NEGR1: variants seen among roughly 807,000 people sequenced by gnomAD.
The protein encoded by NEGR1 is neuronal growth regulator 1.
In NEGR1, 10 loss-of-function variants were observed where a neutral mutation model predicts 40.9. The observed-to-expected ratio is 0.24, with a 90% CI of 0.15 to 0.42. The LOEUF (loss-of-function observed/expected upper bound fraction) is 0.42, where lower values mean the gene tolerates loss of function less well. Among genes scored for constraint, NEGR1 ranks in the 10% least tolerant of loss-of-function variants. The probability of loss-of-function intolerance (pLI) is 1.00; values close to 1 mark genes in which losing one functional copy is unlikely to be tolerated. For missense variants in NEGR1, 352 were observed against 438.9 expected (o/e 0.80, Z 1.77); for synonymous variants, 185 against 166.8 (o/e 1.11, Z -0.84).
chr1:71,596,324 T>C (rs920676309), intron 5 of NEGR1, among the ~76,000 whole-genome samples: 5 of 152,238 alleles, frequency 3.3e-5, no homozygotes, highest in Non-Finnish European at 5.9e-5. Flanking sequence ...CAATGCCTCA[T>C]AAATCTGTGA....
chr1:71,673,495 G>A (rs995216716), intron 4 of NEGR1, among the ~76,000 whole-genome samples: 3 of 151,822 alleles, frequency 2.0e-5, no homozygotes, highest in Non-Finnish European at 2.9e-5. Flanking sequence ...ATAAGAGACA[G>A]CTAGGAAAAC....
intron 1 of NEGR1, among the ~76,000 whole-genome samples, chr1:71,946,225 T>C (rs1646017340): frequency 6.6e-6 from 1 of 152,138 alleles, no homozygotes; most frequent in Non-Finnish European, 1.5e-5. Flanking sequence ...CATGCCACCA[T>C]GCCTGGCTAA....
chr1:71,579,071 C>T (rs1255830550), intron 6 of NEGR1, among the ~76,000 whole-genome samples: 1 of 152,148 alleles, frequency 6.6e-6, no homozygotes, highest in African/African-American at 2.4e-5. Context: ...TTGTCACTCA[C>T]ATTTTAAAAG....
intron 2 of NEGR1, among the ~76,000 whole-genome samples, chr1:71,901,033 C>G (rs1351385092): frequency 1.3e-5 from 2 of 152,178 alleles, no homozygotes; most frequent in African/African-American, 4.8e-5. Flanking sequence ...GAACACAGAT[C>G]CATCTAACCT....
intron 1 of NEGR1, among the ~76,000 whole-genome samples, chr1:72,107,083 G>A (rs2100258895): frequency 6.6e-6 from 1 of 151,706 alleles, no homozygotes; most frequent in Admixed American, 6.6e-5. Context: ...AATATCTTTA[G>A]GGTGAGAAAT....
intron 4 of NEGR1, among the ~76,000 whole-genome samples, chr1:71,628,588 C>T (rs916234496): frequency 3.3e-5 from 5 of 151,958 alleles, no homozygotes; most frequent in Non-Finnish European, 7.4e-5. Flanking sequence ...TGACAGGCCC[C>T]GTCGTGTGAT....
rs140537783 is a variant in NEGR1, at chr1:71,415,475, T to G, written c.941-7905A>C. Among the ~76,000 whole-genome samples, 550 of 152,194 alleles carry G rather than the reference T, an allele frequency of 3.6e-3. 4 individuals carry two copies. The highest frequency in any genetic ancestry group is 0.013 in the African/African-American group (522 of 41,542). The stretch of plus-strand genomic sequence containing the variant: ...TCAATTACATTAGGAATTTTAAACA[T>G]ATGTTTGCCTTGGTTATTACCCACA... On this transcript the variant is annotated intron_variant, in intron 6 of 6. Coordinates refer to ENST00000357731, the MANE Select transcript of NEGR1 (RefSeq NM_173808.3).
chr1:71,942,990 A>G (rs1286687072), intron 1 of NEGR1, among the ~76,000 whole-genome samples: 1 of 142,226 alleles, frequency 7.0e-6, no homozygotes, highest in Non-Finnish European at 1.5e-5. Flanking sequence ...ATATATGTGT[A>G]TATATATGTG....
chr1:72,090,527 T>C (rs181449489), intron 1 of NEGR1, among the ~76,000 whole-genome samples: 189 of 152,290 alleles, frequency 1.2e-3, no homozygotes, highest in Non-Finnish European at 1.9e-3. Context: ...TCTTTAATTT[T>C]ATGAGTTCAA....
chr1:71,490,377 C>T (rs747605550), intron 6 of NEGR1, among the ~76,000 whole-genome samples: 2 of 151,920 alleles, frequency 1.3e-5, no homozygotes, highest in Non-Finnish European at 2.9e-5. Flanking sequence ...TGGCCAAACA[C>T]ATTCTTCAAA....
intron 6 of NEGR1, among the ~76,000 whole-genome samples, chr1:71,498,561 T>C (rs371825409): frequency 3.3e-5 from 5 of 152,144 alleles, no homozygotes; most frequent in African/African-American, 1.2e-4. Context: ...CCTCCAAATA[T>C]CAGAAATGAA....
rs200298647 is a variant in NEGR1 at position 71,608,534 on chromosome 1, A to G, written c.788+2492T>C. Among the ~76,000 whole-genome samples, 24 of 151,784 alleles carry G rather than the reference A, an allele frequency of 1.6e-4. 1 individual carries two copies. The East Asian group carries it at 4.7e-3, about 29-fold the overall frequency. On this transcript the variant is annotated intron_variant, in intron 5 of 6. Coordinates refer to ENST00000357731, the MANE Select transcript of NEGR1 (RefSeq NM_173808.3). Reference sequence around the variant, plus strand: ...TTGACAATGGTTGCTGAATTTAGAAAAGATAAAAAGAGAGAGCAGAAAAAA... The same window carrying G: ...TTGACAATGGTTGCTGAATTTAGAAGAGATAAAAAGAGAGAGCAGAAAAAA...
intron 2 of NEGR1, among the ~76,000 whole-genome samples, chr1:71,888,065 G>A (rs942247226): frequency 6.6e-6 from 1 of 151,288 alleles, no homozygotes; most frequent in African/African-American, 2.4e-5. Flanking sequence ...ATGTCTGAAT[G>A]GCTTGTGTCT....
chr1:72,028,291 C>T (rs76173722), intron 1 of NEGR1, among the ~76,000 whole-genome samples: 78 of 152,262 alleles, frequency 5.1e-4, no homozygotes, highest in African/African-American at 1.8e-3. Flanking sequence ...GTCATCCTTG[C>T]TTTAATCTTT....
chr1:71,547,510 T>C (rs1323289087), intron 6 of NEGR1, among the ~76,000 whole-genome samples: 1 of 151,702 alleles, frequency 6.6e-6, no homozygotes, highest in Non-Finnish European at 1.5e-5. Flanking sequence ...TAATGTCATT[T>C]GAAGAAAATT....
chr1:72,192,398 T>A (rs1452997826), intron 1 of NEGR1, among the ~76,000 whole-genome samples: 1 of 151,776 alleles, frequency 6.6e-6, no homozygotes, highest in African/African-American at 2.4e-5. Flanking sequence ...AAAGAGCAGT[T>A]TTGGCAGATA....
chr1:71,611,471 T>C (rs2101542952), intron 4 of NEGR1, among the ~76,000 whole-genome samples: 1 of 152,286 alleles, frequency 6.6e-6, no homozygotes. Context: ...GCAGTAATAG[T>C]TCTCATCTAT....
At chr1:71,592,087 T>C (rs1424061191) in intron 6 of NEGR1, among the ~76,000 whole-genome samples, 1 of 152,104 alleles carries the variant, frequency 6.6e-6, no homozygotes, top group Admixed American at 6.6e-5. Context: ...AACATTTGAT[T>C]TCAAAATTAA....
chr1:71,588,170 C>T (rs774671871), intron 6 of NEGR1, among the ~76,000 whole-genome samples: 3 of 152,092 alleles, frequency 2.0e-5, no homozygotes, highest in Non-Finnish European at 4.4e-5. Context: ...GATGGGACCA[C>T]TCAGTTCATA....
Sources: allele counts gnomAD v4.1 joint callset (sites outside exome capture counted in the v4.1 genomes callset), GRCh38; gene constraint gnomAD v4.1.1; transcripts MANE v1.5; gene names NCBI Gene and HGNC (gene_info 2026-07-23, HGNC 2026-07-21).